Variants in STX12 observed in about 807,000 individuals in gnomAD.
The protein encoded by STX12 is syntaxin 12, also known as syntaxin-12.
In STX12, 17 loss-of-function variants were observed where a neutral mutation model predicts 42.2. That is an observed-to-expected ratio of 0.40 (90% CI 0.28 to 0.60). STX12 has a LOEUF of 0.60. Ranked by LOEUF, STX12 falls within the 20% of genes least tolerant of loss-of-function variation. The probability of loss-of-function intolerance (pLI) is 0.39; values close to 1 mark genes in which losing one functional copy is unlikely to be tolerated. For synonymous variants in STX12, 108 were observed against 116.7 expected (o/e 0.93, Z 0.48); for missense variants, 297 against 330.9 (o/e 0.90, Z 0.79).
At chr1:27,808,638 G>A (rs1488346657) in intron 4 of STX12, among the ~76,000 whole-genome samples, 1 of 152,028 alleles carries the variant, frequency 6.6e-6, no homozygotes, top group African/African-American at 2.4e-5. Context: ...ATGAGCCACC[G>A]CACCCAGCCT....
chr1:27,798,780 CAAAA>C (rs61253983), intron 3 of STX12, among the ~76,000 whole-genome samples: 44 of 54,520 alleles, frequency 8.1e-4, no homozygotes, highest in African/African-American at 2.6e-3. Context: ...GACTCCGTCT[CAAAA>C]AAAAAAAAAA....
intron 3 of STX12, among the ~76,000 whole-genome samples, chr1:27,798,644 C>CAA (rs71010374): frequency 1.2e-4 from 6 of 48,338 alleles, no homozygotes; most frequent in African/African-American, 1.3e-4. Flanking sequence ...GACTCCCTCT[C>CAA]AAAAAAAAAA....
chr1:27,821,582 A>G (rs1571536046), intron 8 of STX12, among the ~76,000 whole-genome samples: 1 of 151,940 alleles, frequency 6.6e-6, no homozygotes, highest in East Asian at 1.9e-4. Context: ...TACAATGAAC[A>G]TAACAGTTTT....
rs572115972 is a variant in STX12 at position 27,773,686 on chromosome 1, G to C, written c.118+261G>C. ...GTGCTGGGACCAAAACAGCCGACTT[G>C]ACAGCCCGAGGGTGGGAAGGGGAGT... On this transcript the variant is annotated intron_variant, in intron 1 of 8. Coordinates refer to ENST00000373943, the MANE Select transcript of STX12 (RefSeq NM_177424.3). Among the ~76,000 whole-genome samples the C allele has an allele frequency of 4.6e-5, 7 of 152,302 alleles. No individual in the cohort carries two copies. The East Asian group carries it at 1.4e-3, about 29-fold the overall frequency.
intron 2 of STX12, among the ~76,000 whole-genome samples, chr1:27,792,473 T>C (rs1461827357): frequency 1.3e-5 from 2 of 151,514 alleles, no homozygotes; most frequent in Admixed American, 6.6e-5. Flanking sequence ...CTGGATATTT[T>C]CTACTGCCTG....
chr1:27,819,872 C>T, intron 8 of STX12, 140 bp downstream of exon 8: 1 of 609,824 alleles, frequency 1.6e-6, no homozygotes, highest in Non-Finnish European at 2.8e-6. Context: ...GTCCCAGTTC[C>T]ATTTTTATTA....
At position 27,822,533 on chromosome 1, in the gene STX12, A is replaced by G; in HGVS notation, c.*204A>G. 1 of 463,530 alleles carries G rather than the reference A, an allele frequency of 2.2e-6. No individual in the cohort carries two copies. The highest frequency in any genetic ancestry group is 3.9e-6 in the Non-Finnish European group (1 of 256,712). 28.7% of individuals were successfully genotyped at this position (463,530 alleles called of 1,614,324 possible). A position where few individuals can be genotyped will look rare whatever the true frequency, so the allele number is the denominator to read the frequency against. On this transcript the variant is annotated 3_prime_UTR_variant, in exon 9 of 9. Transcript: ENST00000373943. ...ATTTATTGATTCTATTGATTTCTCA[A>G]ATTAGGAATTAACTTATGTGGATTT...
chr1:27,816,083 A>C (rs1236902318), intron 6 of STX12, among the ~76,000 whole-genome samples: 1 of 152,100 alleles, frequency 6.6e-6, no homozygotes, highest in African/African-American at 2.4e-5. Context: ...TGGGAGGCCA[A>C]AGTGGGTGGA....
chr1:27,808,603 A>G (rs998400570), intron 4 of STX12, among the ~76,000 whole-genome samples: 2 of 152,128 alleles, frequency 1.3e-5, no homozygotes, highest in Non-Finnish European at 2.9e-5. Context: ...CGGCCTCTCA[A>G]AGTGCTGGGA....
intron 1 of STX12, among the ~76,000 whole-genome samples, chr1:27,777,959 T>C (rs2088638378): frequency 6.6e-6 from 1 of 152,078 alleles, no homozygotes. Context: ...CTGAAATTGA[T>C]GGGATGACGT....
At chr1:27,810,839 C>G (rs1299527266) in intron 5 of STX12, among the ~76,000 whole-genome samples, 1 of 152,160 alleles carries the variant, frequency 6.6e-6, no homozygotes, top group African/African-American at 2.4e-5. Flanking sequence ...ACACTATGAG[C>G]ACCTCAAAGG....
At position 27,797,665 on chromosome 1, in the gene STX12, C is replaced by G. The variant is rs1027032456; in HGVS notation, c.289-4013C>G. On this transcript the variant is annotated intron_variant, in intron 3 of 8. Transcript: ENST00000373943. ...AACCCCTTCACCTCTAAGTGCGTGG[C>G]CCATATCTTCAATTCATGTTCTGAC... 3.3e-5 allele frequency among the ~76,000 whole-genome samples: 5 copies of G among 152,206 alleles called. No homozygotes were observed. In the East Asian group the frequency reaches 9.6e-4, roughly 29 times the overall value.
chr1:27,820,439 ATCT>A (rs879782273), intron 8 of STX12: 4 of 152,166 alleles, frequency 2.6e-5, no homozygotes, highest in African/African-American at 4.8e-5. Flanking sequence ...GGTTGCGAAA[ATCT>A]TCTCCCATTT....
Position 27,822,301 on chromosome 1 carries a change from T to A in STX12, c.803T>A (p.Ile268Asn). The A allele has an allele frequency of 3.7e-6, 6 of 1,613,038 alleles. No homozygotes were observed. Among genetic ancestry groups the A allele is most frequent in the Non-Finnish European group, 4.2e-6 (5 of 1,178,992 alleles). ...GTGATTATTCTAATCTTGGGACTTA[T>A]TATCTGGCTAGTTTATAAAACGAAG... is the stretch of plus-strand genomic sequence containing the variant. ...LSVIILILGL[I>N]IWLVYKTK Residue 268 changes from isoleucine (I) to asparagine (N), a missense_variant, in exon 9 of 9, where the codon ATT becomes AAT. Ile to Asn is a moderately radical substitution (Grantham distance 149, BLOSUM62 -3). Transcript: ENST00000373943.
At chr1:27,789,774 G>T in intron 2 of STX12, 143 bp downstream of exon 2, 1 of 613,420 alleles carries the variant, frequency 1.6e-6, no homozygotes, top group South Asian at 2.0e-5. Flanking sequence ...ATCTAAAAGA[G>T]GGGCGGGGCA....
intron 1 of STX12, among the ~76,000 whole-genome samples, chr1:27,786,954 T>G (rs569466114): frequency 1.3e-5 from 2 of 152,320 alleles, no homozygotes; most frequent in South Asian, 4.1e-4. Flanking sequence ...TCACACATAA[T>G]GCTATCTTAG....
intron 8 of STX12, chr1:27,820,167 G>A (rs2088974627): frequency 6.5e-6 from 1 of 153,428 alleles, no homozygotes; most frequent in African/African-American, 2.4e-5. Flanking sequence ...AATCATTCTG[G>A]AACTGTTCCT....
chr1:27,773,761 C>A (rs1341411702), intron 1 of STX12: 1 of 245,552 alleles, frequency 4.1e-6, no homozygotes, highest in Non-Finnish European at 8.3e-6. Context: ...CAGTGGTCAG[C>A]CGAGTTTCTC....
intron 8 of STX12, among the ~76,000 whole-genome samples, chr1:27,821,888 C>T (rs908727206): frequency 2.0e-5 from 3 of 152,134 alleles, no homozygotes; most frequent in African/African-American, 7.2e-5. Flanking sequence ...CATAGTGGCA[C>T]ACGCCTGTAA....
Sources: gnomAD v4.1 joint callset for allele counts (sites outside exome capture counted in the v4.1 genomes callset) on GRCh38, gnomAD v4.1.1 for gene constraint, MANE v1.5 for transcripts, NCBI Gene and HGNC (gene_info 2026-07-23, HGNC 2026-07-21) for gene names.